Variants in C1orf174 observed in about 807,000 individuals in gnomAD.
C1orf174 encodes chromosome 1 open reading frame 174, also known as UPF0688 protein C1orf174.
In C1orf174, 13 loss-of-function variants were observed where a neutral mutation model predicts 18.4. The ratio of observed to expected loss-of-function variants is 0.71; its 90% CI spans 0.46 to 1.12. The LOEUF is 1.12. Among genes scored for constraint, C1orf174 ranks in the 50% most tolerant of loss-of-function variants. The probability of loss-of-function intolerance (pLI) is 0.00; values close to 1 mark genes in which losing one functional copy is unlikely to be tolerated. For missense variants in C1orf174, 309 were observed against 308.0 expected, an observed-to-expected ratio of 1.00 and a Z score of -0.02; for synonymous variants, 100 against 118.3, an observed-to-expected ratio of 0.85 and a Z score of 1.01.
intron 2 of C1orf174, chr1:3,891,839 T>C: frequency 2.0e-6 from 2 of 984,322 alleles, no homozygotes; most frequent in Non-Finnish European, 2.4e-6. Context: ...CACACACGGG[T>C]GGGCAGGTGC....
chr1:3,896,315 GC>G (rs1638605083), intron 1 of C1orf174: 1 of 152,666 alleles, frequency 6.6e-6, no homozygotes, highest in South Asian at 2.1e-4. Flanking sequence ...AAGAGGCTCC[GC>G]CCAGTGAACG....
chr1:3,900,085 C>T lies in C1orf174; in HGVS notation c.15+87G>A, dbSNP rs1638683046. The T allele has an allele frequency of 3.4e-6, 5 of 1,480,306 alleles. No individual in the cohort carries two copies. The Admixed American group carries it at 8.9e-5, about 26-fold the overall frequency. 91.7% of individuals were successfully genotyped at this position (1,480,306 alleles called of 1,614,324 possible). ...GGCCGCTCCTAGGCCACAGGCACCC[C>T]GTGACCCCGCCCCGGTTCTCCAGAC... On this transcript the variant is annotated intron_variant, in intron 1 of 3. Transcript: ENST00000361605.
chr1:3,891,369 A>G (rs1267667932), intron 2 of C1orf174: 1 of 267,198 alleles, frequency 3.7e-6, no homozygotes, highest in Non-Finnish European at 7.0e-6. Flanking sequence ...ATATATTTAT[A>G]TATTATACAA....
At chr1:3,895,401 T>A (rs990670287) in intron 1 of C1orf174, 2 of 152,292 alleles carry the variant, frequency 1.3e-5, no homozygotes, top group African/African-American at 4.8e-5. Flanking sequence ...CAGGTGCTTC[T>A]CAAGGCTTCT....
chr1:3,896,674 C>T (rs186122155), intron 1 of C1orf174, among the ~76,000 whole-genome samples: 10 of 152,350 alleles, frequency 6.6e-5, no homozygotes, highest in South Asian at 4.1e-4. Context: ...CCAACCAGTT[C>T]GCAGAAGAGA....
chr1:3,890,364 C>T (rs1638483365), intron 3 of C1orf174, among the ~76,000 whole-genome samples: 1 of 152,294 alleles, frequency 6.6e-6, no homozygotes, highest in Admixed American at 6.5e-5. Flanking sequence ...ACACCTTTCC[C>T]GAGAGCAGTG....
intron 1 of C1orf174, among the ~76,000 whole-genome samples, chr1:3,894,256 C>T (rs894686113): frequency 1.3e-5 from 2 of 151,824 alleles, no homozygotes; most frequent in Non-Finnish European, 2.9e-5. Flanking sequence ...GAGTGCCCTG[C>T]CCAACAGCAG....
chr1:3,892,987 C>T lies in C1orf174; in HGVS notation c.25G>A (p.Ala9Thr). 1 of 1,613,998 alleles carries T rather than the reference C, an allele frequency of 6.2e-7. No individual in the cohort carries two copies. The highest frequency in any genetic ancestry group is 1.1e-5 in the South Asian group (1 of 91,046). The change falls in exon 2 of 4, where the codon GCA becomes ACA. Residue 9 changes from alanine (A) to threonine (T), a missense_variant. Ala to Thr is a moderately conservative substitution (Grantham distance 58). Transcript: ENST00000361605. Reference protein sequence around the residue: MRSRKLTGAVRSSARLKAR... With the variant: MRSRKLTGTVRSSARLKAR... Reference sequence around the variant, plus strand: ...TTCAAGCGCGCTGAAGACCGCACTGCACCTGTGAGCTAGAGAGATTGAGAG... The same window carrying T: ...TTCAAGCGCGCTGAAGACCGCACTGTACCTGTGAGCTAGAGAGATTGAGAG...
intron 1 of C1orf174, among the ~76,000 whole-genome samples, chr1:3,893,530 AAATT>A (rs1394067013): frequency 3.3e-5 from 5 of 152,240 alleles, no homozygotes; most frequent in Non-Finnish European, 7.3e-5. Flanking sequence ...AACAAGAAAG[AAATT>A]AATTAAAGAC....
Position 3,900,193 on chromosome 1 carries a change from G to A in C1orf174, c.-7C>T. ...TCACCTTCCGGCTCCTCATGAGTGT[G>A]AGCACCGCAGCCAAGCACCGCGCGC... On this transcript the variant is annotated 5_prime_UTR_variant, in exon 1 of 4. Transcript: ENST00000361605. The A allele has an allele frequency of 1.3e-6, 2 of 1,584,010 alleles. No homozygotes were observed. The highest frequency in any genetic ancestry group is 1.7e-6 in the Non-Finnish European group (2 of 1,173,982).
chr1:3,899,845 C>T (rs1638675251), intron 1 of C1orf174, among the ~76,000 whole-genome samples: 1 of 151,532 alleles, frequency 6.6e-6, no homozygotes, highest in Non-Finnish European at 1.5e-5. Flanking sequence ...CTGGGAGCTC[C>T]CCTTCTCTCG....
At chr1:3,893,696 A>C (rs1178280874) in intron 1 of C1orf174, among the ~76,000 whole-genome samples, 1 of 152,146 alleles carries the variant, frequency 6.6e-6, no homozygotes, top group Non-Finnish European at 1.5e-5. Flanking sequence ...GGAGTTCAAG[A>C]CCAGCCTGGG....
intron 1 of C1orf174, among the ~76,000 whole-genome samples, chr1:3,897,008 T>C (rs1001133448): frequency 6.6e-5 from 10 of 152,218 alleles, no homozygotes; most frequent in African/African-American, 2.4e-4. Flanking sequence ...ATCTACCCAG[T>C]TGCTAAACAA....
At chr1:3,900,026 C>A (rs1331086739) in intron 1 of C1orf174, 146 bp downstream of exon 1, 5 of 994,130 alleles carry the variant, frequency 5.0e-6, no homozygotes, top group Non-Finnish European at 6.9e-6. Context: ...GCCTGGAGCC[C>A]CCCAACTACT....
At position 3,890,634 on chromosome 1, in the gene C1orf174, G is replaced by A; in HGVS notation, c.553C>T (p.Leu185=). ...PPLQMDNSVF[L]DDDSNQPMPV... ...ATTGGCTGATTGCTGTCGTCATCTA[G>A]AAAGACGCTGTTGTCCATCTGAAGT... The change falls in exon 3 of 4, where the codon CTA becomes TTA. Residue 185 remains leucine (L), a synonymous_variant. Coordinates refer to ENST00000361605, the MANE Select transcript of C1orf174 (RefSeq NM_207356.3). The A allele has an allele frequency of 1.2e-6, 2 of 1,614,114 alleles. No homozygotes were observed. The highest frequency in any genetic ancestry group is 1.7e-6 in the Non-Finnish European group (2 of 1,180,024).
intron 1 of C1orf174, 111 bp from the exon 2 acceptor site, chr1:3,893,107 G>A: frequency 1.7e-6 from 2 of 1,150,338 alleles, no homozygotes; most frequent in Non-Finnish European, 2.5e-6. Flanking sequence ...CCACTCCCAG[G>A]ATTTTATCAT....
rs1027032883 is a variant in C1orf174, at chr1:3,899,261, A to G, written c.15+911T>C. 4.1e-4 allele frequency among the ~76,000 whole-genome samples: 62 copies of G among 152,240 alleles called. 1 individual carries two copies. The highest frequency in any genetic ancestry group is 1.5e-3 in the African/African-American group (62 of 41,460). On this transcript the variant is annotated intron_variant, in intron 1 of 3. Transcript: ENST00000361605. ...CAAAAGGCAGAAACTACCAGACTGC[A>G]TTTTAAAAAAGATCCAAGTATATGT...
chr1:3,890,659 T>C lies in C1orf174; in HGVS notation c.528A>G (p.Pro176=), dbSNP rs745836739. 6.8e-6 allele frequency: 11 copies of C among 1,613,978 alleles called. No individual in the cohort carries two copies. The highest frequency in any genetic ancestry group is 7.6e-6 in the Non-Finnish European group (9 of 1,180,004). ...GAAAGACGCTGTTGTCCATCTGAAGTGGTGGCTTCTGCACATCCTCTGTCT... is the reference window on the plus strand; with the variant it reads ...GAAAGACGCTGTTGTCCATCTGAAGCGGTGGCTTCTGCACATCCTCTGTCT... ...GLQTEDVQKP[P]LQMDNSVFLD... is the part of the protein sequence containing the mutation. The change falls in exon 3 of 4, where the codon CCA becomes CCG. Residue 176 remains proline (P), a synonymous_variant. Transcript: ENST00000361605.
intron 1 of C1orf174, among the ~76,000 whole-genome samples, chr1:3,899,613 G>A (rs1638670019): frequency 6.6e-6 from 1 of 152,236 alleles, no homozygotes; most frequent in Non-Finnish European, 1.5e-5. Flanking sequence ...GTCCATTGGA[G>A]TGGCAGCAGT....
Sources: allele counts gnomAD v4.1 joint callset (sites outside exome capture counted in the v4.1 genomes callset), GRCh38; gene constraint gnomAD v4.1.1; transcripts MANE v1.5; gene names NCBI Gene and HGNC (gene_info 2026-07-23, HGNC 2026-07-21).